DAPK1: variants seen among roughly 807,000 people sequenced by gnomAD.
DAPK1 encodes the protein death associated protein kinase 1.
Under a neutral mutation model 144.9 loss-of-function variants are expected in DAPK1, and 56 were observed. That is an observed-to-expected ratio of 0.39 (90% CI 0.31 to 0.48). The LOEUF is 0.48. Among genes scored for constraint, DAPK1 ranks in the 20% least tolerant of loss-of-function variants. The pLI is 0.95. For synonymous variants in DAPK1, 690 were observed against 749.0 expected, an observed-to-expected ratio of 0.92 and a Z score of 1.29; for missense variants, 1,454 against 1,875.4, an observed-to-expected ratio of 0.78 and a Z score of 4.15.
intron 19 of DAPK1, among the ~76,000 whole-genome samples, chr9:87,671,153 T>C (rs1587831479): frequency 6.6e-6 from 1 of 151,984 alleles, no homozygotes; most frequent in East Asian, 1.9e-4. Context: ...TAGTGAGGAG[T>C]AGAGATGCAA....
chr9:87,632,516 A>G (rs945317869), intron 3 of DAPK1: 12 of 977,326 alleles, frequency 1.2e-5, no homozygotes, highest in Admixed American at 1.2e-4. Flanking sequence ...AGATGACAAT[A>G]TATATAGAAA....
At chr9:87,641,661 A>C (rs190490892) in intron 9 of DAPK1, among the ~76,000 whole-genome samples, 1 of 152,328 alleles carries the variant, frequency 6.6e-6, no homozygotes, top group African/African-American at 2.4e-5. Flanking sequence ...CCAAGTTCAA[A>C]TGCCTCATAA....
At chr9:87,509,577 C>G (rs1383995101) in intron 2 of DAPK1, among the ~76,000 whole-genome samples, 1 of 152,172 alleles carries the variant, frequency 6.6e-6, no homozygotes, top group Non-Finnish European at 1.5e-5. Flanking sequence ...TCAGGCTGGT[C>G]TTGAACTCCT....
At chr9:87,643,303 C>A in intron 10 of DAPK1, 73 bp from the exon 11 acceptor site, 1 of 826,210 alleles carries the variant, frequency 1.2e-6, no homozygotes, top group Non-Finnish European at 1.9e-6. Flanking sequence ...GTTACATAAG[C>A]TGTCTCTCCT....
intron 19 of DAPK1, among the ~76,000 whole-genome samples, chr9:87,669,114 T>C (rs1235363416): frequency 6.6e-6 from 1 of 152,202 alleles, no homozygotes; most frequent in East Asian, 1.9e-4. Flanking sequence ...GCCTACAACA[T>C]GACAGTTGTG....
chr9:87,552,793 G>A (rs968741645), intron 2 of DAPK1, among the ~76,000 whole-genome samples: 7 of 151,678 alleles, frequency 4.6e-5, no homozygotes, highest in Non-Finnish European at 8.8e-5. Context: ...AGTAGAGATG[G>A]GGTCTCTGCG....
At chr9:87,701,545 TAA>T (rs1825452688) in intron 24 of DAPK1, among the ~76,000 whole-genome samples, 2 of 152,174 alleles carry the variant, frequency 1.3e-5, no homozygotes, top group African/African-American at 4.8e-5. Flanking sequence ...TTTGGACAGA[TAA>T]ATGGTCACAC....
At chr9:87,524,094 T>A (rs1437781252) in intron 2 of DAPK1, among the ~76,000 whole-genome samples, 1 of 152,220 alleles carries the variant, frequency 6.6e-6, no homozygotes, top group Non-Finnish European at 1.5e-5. Context: ...GTGTCTTGGA[T>A]AAGGCGTTCC....
chr9:87,697,316 C>G (rs1825295508), intron 22 of DAPK1, 112 bp downstream of exon 22: 1 of 676,656 alleles, frequency 1.5e-6, no homozygotes, highest in Non-Finnish European at 2.7e-6. Flanking sequence ...GGCCTTGCAC[C>G]AGGCCATGAG....
At chr9:87,500,353 C>G (rs1824346344) in intron 2 of DAPK1, among the ~76,000 whole-genome samples, 1 of 152,104 alleles carries the variant, frequency 6.6e-6, no homozygotes, top group Non-Finnish European at 1.5e-5. Flanking sequence ...TCAAACATCA[C>G]ATTTCATGGA....
chr9:87,521,471 C>A (rs62562064), intron 2 of DAPK1, among the ~76,000 whole-genome samples: 14,260 of 152,160 alleles, frequency 0.094, 923 homozygotes, highest in East Asian at 0.33. Flanking sequence ...CCATGGGACT[C>A]CAGTTCTTAT....
chr9:87,585,129 G>T (rs1181906077), intron 2 of DAPK1, among the ~76,000 whole-genome samples: 1 of 152,126 alleles, frequency 6.6e-6, no homozygotes, highest in African/African-American at 2.4e-5. Flanking sequence ...TTCCCATTCG[G>T]TAGGTAATCT....
upstream of DAPK1, chr9:87,497,815 G>A (rs1241493257): frequency 2.6e-6 from 1 of 378,490 alleles, no homozygotes; most frequent in Admixed American, 4.5e-5. Flanking sequence ...GGTCCCCATT[G>A]GCCGCCTGCC....
chr9:87,585,819 T>TTTGAACAA (rs1827926630), intron 2 of DAPK1, among the ~76,000 whole-genome samples: 5 of 152,262 alleles, frequency 3.3e-5, no homozygotes, highest in African/African-American at 1.2e-4. Flanking sequence ...ATGTGCTGTG[T>TTTGAACAA]GTGTGTAAAG....
At chr9:87,669,771 G>GC (rs1237587446) in intron 19 of DAPK1, among the ~76,000 whole-genome samples, 3 of 150,846 alleles carry the variant, frequency 2.0e-5, no homozygotes, top group African/African-American at 2.4e-5. Context: ...GGCAGGGGGG[G>GC]GCCACAGATT....
Position 87,686,744 on chromosome 9 carries a change from G to T in DAPK1, c.2413+5G>T. ...TCCAGAACGCTTATTTGAATGGTAT[G>T]CCCTGCCTGCCCCAAGGGAAGGACC... is the stretch of plus-strand genomic sequence containing the variant. On this transcript the variant is annotated splice_donor_5th_base_variant and intron_variant, in intron 21 of 25. Transcript: ENST00000408954. This position sits in a 1 kb window ranked among gnomAD's most constrained non-coding sequence, Gnocchi z 4.2. 2 of 1,598,344 alleles carry T rather than the reference G, an allele frequency of 1.3e-6. No homozygotes were observed. The highest frequency in any genetic ancestry group is 1.1e-5 in the South Asian group (1 of 90,212).
At chr9:87,598,123 C>T (rs11789040) in intron 2 of DAPK1, among the ~76,000 whole-genome samples, 13,837 of 152,236 alleles carry the variant, frequency 0.091, 668 homozygotes, top group South Asian at 0.15. Context: ...TCACCCCTTA[C>T]CTACAACCTG....
chr9:87,571,464 CA>C lies in DAPK1; in HGVS notation c.63-33489del, dbSNP rs1564000725. Among the ~76,000 whole-genome samples the C allele has an allele frequency of 1.8e-3, 113 of 62,780 alleles. 1 individual carries two copies. The highest frequency in any genetic ancestry group is 7.5e-3 in the African/African-American group (92 of 12,240). 41.2% of individuals were successfully genotyped at this position (62,780 alleles called of 152,430 possible). On this transcript the variant is annotated intron_variant, in intron 2 of 25. Transcript: ENST00000408954. Reference sequence around the variant, plus strand: ...ACACACACACACACACACACACACACACACACACACCAACACACACACACAC... The same window carrying C: ...ACACACACACACACACACACACACACCACACACACCAACACACACACACAC...
intron 2 of DAPK1, among the ~76,000 whole-genome samples, chr9:87,582,402 C>T (rs1173486212): frequency 6.6e-6 from 1 of 152,212 alleles, no homozygotes; most frequent in Admixed American, 6.5e-5. Flanking sequence ...ACAGTCTTCA[C>T]TGCTCTTCAA....
Sources: allele counts gnomAD v4.1 joint callset (sites outside exome capture counted in the v4.1 genomes callset), GRCh38; gene constraint gnomAD v4.1.1; non-coding constraint Gnocchi (gnomAD v3.1); transcripts MANE v1.5; gene names NCBI Gene and HGNC (gene_info 2026-07-23, HGNC 2026-07-21).